Variants in DONSON observed in about 807,000 individuals in gnomAD.
DONSON encodes the protein protein downstream neighbor of Son.
DONSON carries 43 observed loss-of-function variants against 62.1 expected under a neutral mutation model. The ratio of observed to expected loss-of-function variants is 0.69; its 90% CI spans 0.54 to 0.89. The LOEUF is 0.89. DONSON is among the 40% of genes least tolerant of loss of function. DONSON has a pLI of 0.00. For missense variants in DONSON, 696 were observed against 697.5 expected, an observed-to-expected ratio of 1.00 and a Z score of 0.03; for synonymous variants, 266 against 264.6, an observed-to-expected ratio of 1.01 and a Z score of -0.05.
chr21:33,588,596 G>A lies in DONSON; in HGVS notation c.46C>T (p.Pro16Ser). The change falls in exon 1 of 10, where the codon CCC (proline) becomes TCC (serine). Residue 16 changes from proline (P) to serine (S), a missense_variant. Transcript: ENST00000303071. ...TTCCGTCGGAGCCGCACTACCTCGG[G>A]CGGCTTTCGGAAGCCCGGTGAGTAG... ...PGYSPGFRKPPEVVRLRRKRA... is the reference protein window; with the variant it reads ...PGYSPGFRKPSEVVRLRRKRA... 1 of 1,251,270 alleles carries A rather than the reference G, an allele frequency of 8.0e-7. No homozygotes were observed. The highest frequency in any genetic ancestry group is 1.0e-6 in the Non-Finnish European group (1 of 996,676). 77.5% of individuals were successfully genotyped at this position (1,251,270 alleles called of 1,614,324 possible).
In DONSON at chr21:33,586,230, C is replaced by A. The variant is rs752235448; in HGVS notation, c.403-49G>T. 4.1e-5 allele frequency: 61 copies of A among 1,496,480 alleles called. 1 individual carries two copies. In the South Asian group the frequency reaches 6.9e-4, roughly 17 times the overall value. The allele number at this position is 1,496,480 out of a possible 1,614,324, so 92.7% of individuals were successfully genotyped here. A position where few individuals can be genotyped will look rare whatever the true frequency, so the allele number is the denominator to read the frequency against. On this transcript the variant is annotated intron_variant, in intron 2 of 9. Coordinates refer to ENST00000303071, the MANE Select transcript of DONSON (RefSeq NM_017613.4). ...AATTAGTCGAGTATCAAGAAAAAACCTTCAACCTAAAGATTTTATCAGCTA... is the reference window on the plus strand; with the variant it reads ...AATTAGTCGAGTATCAAGAAAAAACATTCAACCTAAAGATTTTATCAGCTA...
rs1569072806 is a variant in DONSON at position 33,577,689 on chromosome 21, ACACACACACACACC to A, written c.*604_*617del. 1.7e-5 allele frequency: 2 copies of A among 118,846 alleles called. No homozygotes were observed. Among genetic ancestry groups the A allele is most frequent in the East Asian group, 4.8e-4 (2 of 4,152 alleles). The allele number at this position is 118,846 out of a possible 1,614,324, so 7.4% of individuals were successfully genotyped here. A position where few individuals can be genotyped will look rare whatever the true frequency, so the allele number is the denominator to read the frequency against. On this transcript the variant is annotated 3_prime_UTR_variant, in exon 10 of 10. Coordinates refer to ENST00000303071, the MANE Select transcript of DONSON (RefSeq NM_017613.4). ...CACACACACACACACACACACACACACACACACACACACCCCTATAAGCACATTAAATACTACTT... is the reference window on the plus strand; with the variant it reads ...CACACACACACACACACACACACACACCTATAAGCACATTAAATACTACTT...
intron 4 of DONSON, among the ~76,000 whole-genome samples, chr21:33,584,205 A>C (rs2086552226): frequency 6.6e-6 from 1 of 150,908 alleles, no homozygotes; most frequent in South Asian, 2.1e-4. Flanking sequence ...CCACCACACC[A>C]GGCTAATTTT....
rs1251154517 is a variant in DONSON, at chr21:33,588,517, GGCTCCGTCA to G, written c.116_124del (p.Leu39_Glu41del). 8.0e-7 allele frequency: 1 copy of G among 1,252,534 alleles called. No homozygotes were observed. The highest frequency in any genetic ancestry group is 1.0e-6 in the Non-Finnish European group (1 of 999,112). The allele number at this position is 1,252,534 out of a possible 1,614,324, so 77.6% of individuals were successfully genotyped here. On this transcript the variant is annotated inframe_deletion, in exon 1 of 10. Transcript: ENST00000303071. ...CACCAGGGCGGCTCGGCGGGCCGCC[GGCTCCGTCA>G]GCTCACGGGGCGGGGAGGCGGCAGC...
Position 33,583,533 on chromosome 21 carries a change from T to G in DONSON, c.919A>C (p.Ile307Leu), listed in dbSNP as rs146301000. The change falls in exon 5 of 10, where the codon ATA becomes CTA. Residue 307 changes from isoleucine (I) to leucine (L), a missense_variant. Coordinates refer to ENST00000303071, the MANE Select transcript of DONSON (RefSeq NM_017613.4). ...LAGSDLITALISPTTRGLREA... is the reference protein window; with the variant it reads ...LAGSDLITALLSPTTRGLREA... ...CTTAAACCTCGAGTTGTTGGAGATA[T>G]GAGAGCTGTGATTAAGTCACTTCCA... is the stretch of plus-strand genomic sequence containing the variant. 20 of 1,613,862 alleles carry G rather than the reference T, an allele frequency of 1.2e-5. No individual in the cohort carries two copies. In the East Asian group the frequency reaches 1.6e-4, roughly 13 times the overall value.
At chr21:33,580,911 AAAAAAC>A (rs2086500911) in intron 8 of DONSON, among the ~76,000 whole-genome samples, 1 of 151,786 alleles carries the variant, frequency 6.6e-6, no homozygotes, top group Non-Finnish European at 1.5e-5. Flanking sequence ...ACAAGAAAAA[AAAAAAC>A]AAAAAAAATA....
intron 7 of DONSON, 41 bp from the exon 8 acceptor site, chr21:33,581,541 C>A: frequency 6.4e-7 from 1 of 1,551,638 alleles, no homozygotes. Flanking sequence ...GCAAATCTCA[C>A]CTAATGTGGA....
rs1372351249 is a variant in DONSON at position 33,588,459 on chromosome 21, C to G, written c.183G>C (p.Ala61=). 2.3e-6 allele frequency: 3 copies of G among 1,301,358 alleles called. No homozygotes were observed. The highest frequency in any genetic ancestry group is 3.7e-5 in the Admixed American group (1 of 27,254). The allele number at this position is 1,301,358 out of a possible 1,614,324, so 80.6% of individuals were successfully genotyped here. ...CGCCGCTGCCACCGCCTCTGCCCCC[C>G]GCAGCAGGGAAAGGGCGAAGAGGCA... ...AGLPLRPFPA[A]GGRGGGSGGG... is the part of the protein sequence containing the mutation. The change falls in exon 1 of 10, where the codon GCG becomes GCC. Residue 61 remains alanine, a synonymous_variant. Coordinates refer to ENST00000303071, the MANE Select transcript of DONSON (RefSeq NM_017613.4).
intron 9 of DONSON, 83 bp downstream of exon 9, chr21:33,579,267 A>G (rs1372918770): frequency 9.9e-7 from 1 of 1,006,964 alleles, no homozygotes; most frequent in Non-Finnish European, 1.4e-6. Flanking sequence ...CACAATAGTG[A>G]CTCAGCATAA....
At chr21:33,583,729 G>C in intron 4 of DONSON, 63 bp from the exon 5 acceptor site, 3 of 1,266,254 alleles carry the variant, frequency 2.4e-6, no homozygotes, top group Non-Finnish European at 3.3e-6. Flanking sequence ...TTATAATTCT[G>C]AATAATTCAG....
In DONSON at chr21:33,588,559, C is replaced by A. The variant is rs1273970185; in HGVS notation, c.83G>T (p.Ser28Ile). 4.8e-6 allele frequency: 6 copies of A among 1,252,728 alleles called. No individual in the cohort carries two copies. In the African/African-American group the frequency reaches 7.8e-5, roughly 16 times the overall value. The allele number at this position is 1,252,728 out of a possible 1,614,324, so 77.6% of individuals were successfully genotyped here. ...GGGCGGGGAGGCGGCAGCTCCACGG[C>A]TCCGGGCCCTTTTCCGTCGGAGCCG... Reference protein sequence around the residue: ...VVRLRRKRARSRGAAASPPRE... With the variant: ...VVRLRRKRARIRGAAASPPRE... The change falls in exon 1 of 10, where the codon AGC becomes ATC. Residue 28 changes from serine (S) to isoleucine (I), a missense_variant. Transcript: ENST00000303071.
chr21:33,580,483 A>AAAAAAAAG (rs2086494785), intron 8 of DONSON, among the ~76,000 whole-genome samples: 1 of 127,264 alleles, frequency 7.9e-6, no homozygotes, highest in South Asian at 2.8e-4. Context: ...AAAAAAAAAA[A>AAAAAAAAG]AAAAAAAAAA....
Position 33,586,486 on chromosome 21 carries a change from T to A in DONSON, c.403-305A>T, listed in dbSNP as rs142180562. On this transcript the variant is annotated intron_variant, in intron 2 of 9. Transcript: ENST00000303071. ...AGATGTTTGTATTGAAGTAGAAATA[T>A]TCCAAGTGTTAAAACATTTTGGATC... Among the ~76,000 whole-genome samples the A allele has an allele frequency of 3.5e-3, 534 of 152,304 alleles. 4 individuals are homozygous for A. Among genetic ancestry groups the A allele is most frequent in the African/African-American group, 0.012 (505 of 41,546 alleles).
chr21:33,583,736 T>C (rs1051074792), intron 4 of DONSON, 70 bp from the exon 5 acceptor site: 6 of 1,215,570 alleles, frequency 4.9e-6, no homozygotes, highest in Middle Eastern at 2.3e-4. Context: ...TCTGAATAAT[T>C]CAGTTTGATA....
At chr21:33,587,174 T>A (rs2086586696) in intron 2 of DONSON, among the ~76,000 whole-genome samples, 2 of 152,154 alleles carry the variant, frequency 1.3e-5, no homozygotes, top group Non-Finnish European at 2.9e-5. Flanking sequence ...TGCCACAACC[T>A]GTGGAGGTGG....
In DONSON at chr21:33,582,295, C is replaced by T; in HGVS notation, c.965-49G>A. 2.8e-6 allele frequency: 4 copies of T among 1,441,526 alleles called. No homozygotes were observed. The South Asian group carries it at 3.5e-5, about 13-fold the overall frequency. 89.3% of individuals were successfully genotyped at this position (1,441,526 alleles called of 1,614,324 possible). ...CTGAGTTGTCATTTAAAGTATTTAA[C>T]AGGCATGCTGTACTTTTAGAGTGTA... On this transcript the variant is annotated intron_variant, in intron 5 of 9. Coordinates refer to ENST00000303071, the MANE Select transcript of DONSON (RefSeq NM_017613.4).
In DONSON at chr21:33,586,110, A is replaced by G; in HGVS notation, c.474T>C (p.Ser158=). The change falls in exon 3 of 10, where the codon AGT becomes AGC. Residue 158 remains serine, a synonymous_variant. Coordinates refer to ENST00000303071, the MANE Select transcript of DONSON (RefSeq NM_017613.4). ...AGGTGAAAAGGAGTCGCGTTTTAAT[A>G]CTCCAGTCCACAGGTAACTCAGTAC... ...SKSTELPVDW[S]IKTRLLFTSS... 1 of 1,614,100 alleles carries G rather than the reference A, an allele frequency of 6.2e-7. No individual in the cohort carries two copies. Among genetic ancestry groups the G allele is most frequent in the Non-Finnish European group, 8.5e-7 (1 of 1,180,012 alleles).
intron 3 of DONSON, among the ~76,000 whole-genome samples, chr21:33,585,118 A>G (rs2086562795): frequency 6.6e-6 from 1 of 152,232 alleles, no homozygotes; most frequent in Non-Finnish European, 1.5e-5. Context: ...AGTAGCCAGT[A>G]AACACTGATA....
In DONSON at chr21:33,587,303, G is replaced by A. The variant is rs902821581; in HGVS notation, c.402+219C>T. 8 of 945,992 alleles carry A rather than the reference G, an allele frequency of 8.5e-6. No individual in the cohort carries two copies. The African/African-American group carries it at 1.4e-4, about 17-fold the overall frequency. 58.6% of individuals were successfully genotyped at this position (945,992 alleles called of 1,614,324 possible). ...GTCTATCAGGCCTATTTTAGCGCTG[G>A]CTATCTTTACAGTCATCATTACTGT... is the stretch of plus-strand genomic sequence containing the variant. On this transcript the variant is annotated intron_variant, in intron 2 of 9. Coordinates refer to ENST00000303071, the MANE Select transcript of DONSON (RefSeq NM_017613.4).
Sources: gnomAD v4.1 joint callset for allele counts (sites outside exome capture counted in the v4.1 genomes callset) on GRCh38, gnomAD v4.1.1 for gene constraint, MANE v1.5 for transcripts, NCBI Gene and HGNC (gene_info 2026-07-23, HGNC 2026-07-21) for gene names.